Variants in SGCD observed in about 807,000 individuals in gnomAD.
SGCD encodes delta-sarcoglycan.
Under a neutral mutation model 36.6 loss-of-function variants are expected in SGCD, and 18 were observed. The ratio of observed to expected loss-of-function variants is 0.49; its 90% CI spans 0.34 to 0.73. SGCD has a LOEUF of 0.73. Among genes scored for constraint, SGCD ranks in the 30% least tolerant of loss-of-function variants. SGCD has a pLI of 0.01. For missense variants in SGCD, 387 were observed against 346.7 expected (o/e 1.12, Z -0.92); for synonymous variants, 133 against 130.6 (o/e 1.02, Z -0.12).
At chr5:156,100,938 C>T (rs1307216103) in intron 1 of SGCD, among the ~76,000 whole-genome samples, 2 of 152,008 alleles carry the variant, frequency 1.3e-5, no homozygotes, top group African/African-American at 4.8e-5. Flanking sequence ...AGCCTAAATC[C>T]CCCTAATATG....
At chr5:156,262,815 C>T (rs1434731793) in intron 3 of SGCD, among the ~76,000 whole-genome samples, 1 of 152,066 alleles carries the variant, frequency 6.6e-6, no homozygotes, top group East Asian at 1.9e-4. Context: ...AGTTACTTCA[C>T]TTAGAATAAT....
intron 3 of SGCD, among the ~76,000 whole-genome samples, chr5:156,431,345 G>T (rs545883272): frequency 6.6e-6 from 1 of 152,194 alleles, no homozygotes; most frequent in African/African-American, 2.4e-5. Flanking sequence ...CCTCCTGTGG[G>T]GTTGCCCTCA....
intron 3 of SGCD, among the ~76,000 whole-genome samples, chr5:156,451,180 C>G (rs146067359): frequency 1.3e-5 from 2 of 150,876 alleles, no homozygotes; most frequent in African/African-American, 4.9e-5. Flanking sequence ...CAGTTTAATG[C>G]CATAGATGTG....
chr5:156,742,223 A>G (rs144419640), intron 7 of SGCD, among the ~76,000 whole-genome samples: 1 of 152,262 alleles, frequency 6.6e-6, no homozygotes, highest in East Asian at 1.9e-4. Flanking sequence ...CCATTAACTC[A>G]GCGATACGGA....
chr5:155,873,904 C>T (rs550504047), intron 1 of SGCD, among the ~76,000 whole-genome samples: 6 of 152,190 alleles, frequency 3.9e-5, no homozygotes, highest in Non-Finnish European at 7.4e-5. Flanking sequence ...TTTAATATGA[C>T]ATCTATTTTT....
rs1172162957 is a variant in SGCD at position 155,885,129 on chromosome 5, C to T, written c.-282+14705C>T. On this transcript the variant is annotated intron_variant, in intron 1 of 9. Coordinates refer to the SGCD transcript ENST00000517913. ...ATCCACTCTTCGTGCTAGAGATCAT[C>T]TATGGTCTATTTGGGTAGATGGTAT... 2.6e-5 allele frequency among the ~76,000 whole-genome samples: 3 copies of T among 116,798 alleles called. 1 individual carries two copies. The highest frequency in any genetic ancestry group is 1.3e-4 in the African/African-American group (3 of 23,058). The allele number at this position is 116,798 out of a possible 152,430, so 76.6% of individuals were successfully genotyped here.
chr5:156,078,521 ATAT>A (rs199600451), intron 1 of SGCD, among the ~76,000 whole-genome samples: 2,260 of 123,180 alleles, frequency 0.018, 76 homozygotes, highest in African/African-American at 0.063. Flanking sequence ...AAAAAAAAAA[ATAT>A]ATATATATAT....
In SGCD at chr5:156,760,428, A is replaced by C. The variant is rs1412076968; in HGVS notation, c.*1038A>C. On this transcript the variant is annotated 3_prime_UTR_variant, in exon 9 of 9. Transcript: ENST00000337851. Reference sequence around the variant, plus strand: ...TTTCTTGGGATTGGTGGGAAATGTCAAAACATGCCCTTTATTTTTAAAGGC... The same window carrying C: ...TTTCTTGGGATTGGTGGGAAATGTCCAAACATGCCCTTTATTTTTAAAGGC... 6.6e-5 allele frequency: 10 copies of C among 152,220 alleles called. No homozygotes were observed. The allele number at this position is 152,220 out of a possible 1,614,324, so 9.4% of individuals were successfully genotyped here.
Position 156,159,512 on chromosome 5 carries a change from C to G in SGCD, c.-44+35493C>G, listed in dbSNP as rs532180276. Among the ~76,000 whole-genome samples the G allele has an allele frequency of 3.3e-5, 5 of 151,400 alleles. No individual in the cohort carries two copies. In the East Asian group the frequency reaches 9.6e-4, roughly 29 times the overall value. Reference sequence around the variant, plus strand: ...ACAAAACAAATAAACAAACAAAAACCCTATCATACCTTTGGCTTCAGAAGA... The same window carrying G: ...ACAAAACAAATAAACAAACAAAAACGCTATCATACCTTTGGCTTCAGAAGA... On this transcript the variant is annotated intron_variant, in intron 3 of 9. Coordinates refer to the SGCD transcript ENST00000517913.
At chr5:156,425,257 C>G (rs576083295) in intron 3 of SGCD, among the ~76,000 whole-genome samples, 85 of 152,078 alleles carry the variant, frequency 5.6e-4, no homozygotes, top group African/African-American at 2.0e-3. Flanking sequence ...GTAACTTACC[C>G]CAGGTCACAG....
intron 3 of SGCD, among the ~76,000 whole-genome samples, chr5:156,445,520 C>T (rs1211551506): frequency 6.6e-6 from 1 of 152,112 alleles, no homozygotes; most frequent in African/African-American, 2.4e-5. Context: ...TGTCACTGCC[C>T]TCAGTCCGGT....
chr5:156,085,444 T>C (rs1345693721), intron 1 of SGCD, among the ~76,000 whole-genome samples: 1 of 152,134 alleles, frequency 6.6e-6, no homozygotes, highest in African/African-American at 2.4e-5. Context: ...TTTTGCCATG[T>C]GAAGTGCCTG....
At chr5:155,734,421 A>C in the SGCD span, among the ~76,000 whole-genome samples, 2 of 151,954 alleles carry the variant, frequency 1.3e-5, no homozygotes, top group Admixed American at 6.6e-5. Context: ...CATGTTACCC[A>C]GGCTAGTCTC....
At chr5:155,996,960 T>G (rs933109838) in intron 1 of SGCD, among the ~76,000 whole-genome samples, 1 of 152,126 alleles carries the variant, frequency 6.6e-6, no homozygotes, top group Non-Finnish European at 1.5e-5. Context: ...TAGATACCTA[T>G]GTCTCCATTC....
At chr5:156,695,562 TA>T (rs1386184105) in intron 7 of SGCD, among the ~76,000 whole-genome samples, 1 of 137,204 alleles carries the variant, frequency 7.3e-6, no homozygotes, top group Non-Finnish European at 1.6e-5. Flanking sequence ...GATAGATAGA[TA>T]GATAGATATC....
At chr5:156,470,872 T>A (rs1327091672) in intron 3 of SGCD, among the ~76,000 whole-genome samples, 16 of 152,190 alleles carry the variant, frequency 1.1e-4, no homozygotes, top group Non-Finnish European at 1.6e-4. Flanking sequence ...ACTGCGTAAC[T>A]TACTAAACTG....
intron 1 of SGCD, among the ~76,000 whole-genome samples, chr5:156,030,366 T>G (rs1759319276): frequency 6.6e-6 from 1 of 152,066 alleles, no homozygotes; most frequent in Admixed American, 6.5e-5. Context: ...AATGTTCTTA[T>G]AAGAGACCCA....
chr5:156,672,572 G>A (rs758619050), intron 7 of SGCD, among the ~76,000 whole-genome samples: 17 of 152,192 alleles, frequency 1.1e-4, no homozygotes, highest in Admixed American at 2.0e-4. Context: ...TTAGCTTCCC[G>A]TCATCTGCCA....
At chr5:156,273,606 C>A (rs1766238201) in intron 3 of SGCD, among the ~76,000 whole-genome samples, 1 of 152,172 alleles carries the variant, frequency 6.6e-6, no homozygotes, top group Non-Finnish European at 1.5e-5. Flanking sequence ...AGAGTCTAAT[C>A]ATCTAGAAGA....
Sources: allele counts gnomAD v4.1 joint callset (sites outside exome capture counted in the v4.1 genomes callset), GRCh38; gene constraint gnomAD v4.1.1; transcripts MANE v1.5; gene names NCBI Gene and HGNC (gene_info 2026-07-23, HGNC 2026-07-21).